BCKDHB: variants seen among roughly 807,000 people sequenced by gnomAD.
BCKDHB encodes the protein branched chain keto acid dehydrogenase E1 subunit beta, also known as 2-oxoisovalerate dehydrogenase subunit beta, mitochondrial.
BCKDHB carries 41 observed loss-of-function variants against 48.5 expected under a neutral mutation model. The observed-to-expected ratio is 0.85, with a 90% CI of 0.66 to 1.10. The LOEUF is 1.10. BCKDHB is among the 50% of genes least tolerant of loss of function. The pLI, the probability that BCKDHB is intolerant of heterozygous loss-of-function variation, is 0.00. For missense variants in BCKDHB, 496 were observed against 494.2 expected (o/e 1.00, Z -0.03); for synonymous variants, 201 against 174.8 (o/e 1.15, Z -1.18).
At chr6:80,126,890 T>C (rs925870697) in intron 1 of BCKDHB, among the ~76,000 whole-genome samples, 1 of 152,204 alleles carries the variant, frequency 6.6e-6, no homozygotes, top group African/African-American at 2.4e-5. Context: ...CTAATATTTA[T>C]TCAGCACTCA....
At chr6:80,286,494 A>G (rs765056312) in intron 9 of BCKDHB, among the ~76,000 whole-genome samples, 1 of 152,198 alleles carries the variant, frequency 6.6e-6, no homozygotes, top group Non-Finnish European at 1.5e-5. Flanking sequence ...ACTTCACATT[A>G]TATGTTAAAA....
At chr6:80,392,322 G>T in the BCKDHB span, among the ~76,000 whole-genome samples, 1 of 151,652 alleles carries the variant, frequency 6.6e-6, no homozygotes, top group African/African-American at 2.4e-5. Flanking sequence ...TACAGAGATT[G>T]TTTTCTTCAG....
Position 80,264,958 on chromosome 6 carries a change from T to A in BCKDHB, c.952-8177T>A, listed in dbSNP as rs369948390. 3.3e-5 allele frequency among the ~76,000 whole-genome samples: 5 copies of A among 152,034 alleles called. No homozygotes were observed. The East Asian group carries it at 7.7e-4, about 23-fold the overall frequency. On this transcript the variant is annotated intron_variant, in intron 8 of 9. Coordinates refer to ENST00000320393, the MANE Select transcript of BCKDHB (RefSeq NM_183050.4). ...CCAGTGGCCATTAAGCACCTGGAAA[T>A]TGCTTAACACCACTAATTATTAGGG...
At chr6:80,353,099 C>T in the BCKDHB span, among the ~76,000 whole-genome samples, 1 of 152,140 alleles carries the variant, frequency 6.6e-6, no homozygotes, top group South Asian at 2.1e-4. Context: ...TATTATTCCA[C>T]TCTCTATGTC....
intron 8 of BCKDHB, among the ~76,000 whole-genome samples, chr6:80,262,245 T>C (rs595494): frequency 0.89 from 136,218 of 152,232 alleles, 60,984 homozygotes; most frequent in Middle Eastern, 0.96. Flanking sequence ...TAAAGTGCTT[T>C]GTCCTTTTAA....
chr6:80,416,774 ATT>A, the BCKDHB span, among the ~76,000 whole-genome samples: 4 of 64,772 alleles, frequency 6.2e-5, no homozygotes, highest in Non-Finnish European at 1.9e-4. Flanking sequence ...TTTTATTTTT[ATT>A]TTTTTTAATT....
chr6:80,361,622 G>A, the BCKDHB span, among the ~76,000 whole-genome samples: 2 of 152,166 alleles, frequency 1.3e-5, no homozygotes, highest in Non-Finnish European at 2.9e-5. Flanking sequence ...TGATCAAATA[G>A]GAGCATCACC....
chr6:80,224,852 C>T (rs535838664), intron 8 of BCKDHB, among the ~76,000 whole-genome samples: 14 of 152,208 alleles, frequency 9.2e-5, no homozygotes, highest in Admixed American at 3.3e-4. Context: ...TTGGAAGCCA[C>T]GCAGTTCATC....
intron 6 of BCKDHB, among the ~76,000 whole-genome samples, chr6:80,181,807 C>A (rs142475330): frequency 6.6e-6 from 1 of 152,230 alleles, no homozygotes; most frequent in Non-Finnish European, 1.5e-5. Flanking sequence ...GACACCATCT[C>A]TTCATGGGAA....
intron 9 of BCKDHB, among the ~76,000 whole-genome samples, chr6:80,284,486 A>AG (rs11409935): frequency 0.8 from 121,298 of 151,974 alleles, 48,585 homozygotes; most frequent in Admixed American, 0.87. Flanking sequence ...GTTAACTTAA[A>AG]AAGTGACTTT....
chr6:80,411,817 G>C, the BCKDHB span, among the ~76,000 whole-genome samples: 1 of 152,224 alleles, frequency 6.6e-6, no homozygotes, highest in Admixed American at 6.5e-5. Context: ...TAAGACCATT[G>C]AAAAGCGCAG....
intron 9 of BCKDHB, among the ~76,000 whole-genome samples, chr6:80,297,748 T>C (rs1160481854): frequency 6.6e-6 from 1 of 152,212 alleles, no homozygotes; most frequent in Non-Finnish European, 1.5e-5. Flanking sequence ...CTCTGATCCA[T>C]ACTTGCAGAG....
At chr6:80,424,870 T>A in the BCKDHB span, among the ~76,000 whole-genome samples, 19 of 152,310 alleles carry the variant, frequency 1.2e-4, no homozygotes, top group East Asian at 3.7e-3. Context: ...GTTCCTAGCA[T>A]GGAAAGCCAT....
the BCKDHB span, among the ~76,000 whole-genome samples, chr6:80,393,389 A>T: frequency 4.6e-5 from 7 of 152,256 alleles, no homozygotes; most frequent in East Asian, 1.4e-3. Context: ...TGACTAGTTC[A>T]GGAGGGTAGA....
intron 7 of BCKDHB, 32 bp from the exon 8 acceptor site, chr6:80,203,070 T>C (rs1174258979): frequency 6.9e-7 from 1 of 1,457,904 alleles, no homozygotes; most frequent in Admixed American, 1.7e-5. Flanking sequence ...ACCTTTGTAG[T>C]CATTCTCTGC....
intron 8 of BCKDHB, among the ~76,000 whole-genome samples, chr6:80,271,438 C>A (rs1419399385): frequency 6.6e-6 from 1 of 152,104 alleles, no homozygotes; most frequent in Non-Finnish European, 1.5e-5. Flanking sequence ...CTTGATTTCA[C>A]CATCCACTCT....
chr6:80,260,926 C>G (rs1449942456), intron 8 of BCKDHB, among the ~76,000 whole-genome samples: 1 of 152,166 alleles, frequency 6.6e-6, no homozygotes, highest in Non-Finnish European at 1.5e-5. Context: ...AGGTTGCAAA[C>G]TCTTGGACAG....
At chr6:80,215,417 T>C (rs1486275928) in intron 8 of BCKDHB, among the ~76,000 whole-genome samples, 2 of 152,244 alleles carry the variant, frequency 1.3e-5, no homozygotes, top group Admixed American at 1.3e-4. Context: ...ACATTGATTG[T>C]CCTGCCTGAC....
the BCKDHB span, among the ~76,000 whole-genome samples, chr6:80,433,146 C>T: frequency 6.6e-6 from 1 of 152,134 alleles, no homozygotes; most frequent in South Asian, 2.1e-4. Context: ...AGGTCAGGGA[C>T]CTACTTGAGG....
Sources: allele counts gnomAD v4.1 joint callset (sites outside exome capture counted in the v4.1 genomes callset), GRCh38; gene constraint gnomAD v4.1.1; transcripts MANE v1.5; gene names NCBI Gene and HGNC (gene_info 2026-07-23, HGNC 2026-07-21).